Variants in ATF1 observed in about 807,000 individuals in gnomAD.
The protein encoded by ATF1 is cyclic AMP-dependent transcription factor ATF-1.
Under a neutral mutation model 34.7 loss-of-function variants are expected in ATF1, and 16 were observed. That is an observed-to-expected ratio of 0.46 (90% CI 0.31 to 0.70). ATF1 has a LOEUF of 0.70. Among genes scored for constraint, ATF1 ranks in the 30% least tolerant of loss-of-function variants. The pLI is 0.05. For synonymous variants in ATF1, 105 were observed against 113.1 expected (o/e 0.93, Z 0.46); for missense variants, 255 against 321.6 (o/e 0.79, Z 1.58).
chr12:50,771,625 A>G (rs1006962133), intron 1 of ATF1, among the ~76,000 whole-genome samples: 3 of 152,172 alleles, frequency 2.0e-5, no homozygotes, highest in Non-Finnish European at 4.4e-5. Flanking sequence ...CGTATGAACC[A>G]GAGCAACTCC....
At chr12:50,782,485 G>A (rs1273697263) in intron 2 of ATF1, among the ~76,000 whole-genome samples, 1 of 150,706 alleles carries the variant, frequency 6.6e-6, no homozygotes, top group African/African-American at 2.4e-5. Flanking sequence ...TTGATCTCCT[G>A]ACCTCGTGAT....
intron 3 of ATF1, among the ~76,000 whole-genome samples, chr12:50,796,818 A>G (rs1941417255): frequency 6.6e-6 from 1 of 152,192 alleles, no homozygotes; most frequent in Non-Finnish European, 1.5e-5. Flanking sequence ...AGAAGAGAAC[A>G]TAGGCGATAA....
intron 1 of ATF1, among the ~76,000 whole-genome samples, chr12:50,771,712 C>T (rs991223833): frequency 5.9e-5 from 9 of 152,198 alleles, no homozygotes; most frequent in South Asian, 2.1e-4. Context: ...TTCTAAGTCA[C>T]GGGATGAGAT....
At chr12:50,797,631 C>T (rs771915956) in intron 3 of ATF1, among the ~76,000 whole-genome samples, 2 of 152,004 alleles carry the variant, frequency 1.3e-5, no homozygotes, top group Non-Finnish European at 2.9e-5. Context: ...ATGATGCCCA[C>T]CTAATTTTTT....
At chr12:50,799,185 G>C (rs1941467319) in intron 3 of ATF1, among the ~76,000 whole-genome samples, 1 of 152,124 alleles carries the variant, frequency 6.6e-6, no homozygotes, top group Non-Finnish European at 1.5e-5. Flanking sequence ...AGGAATTTAA[G>C]ACCAATCTGT....
intron 2 of ATF1, among the ~76,000 whole-genome samples, chr12:50,786,720 T>TA (rs1332132203): frequency 1.3e-5 from 2 of 152,060 alleles, no homozygotes; most frequent in African/African-American, 4.8e-5. Context: ...CTTAGACTAT[T>TA]AGAGTTTTTC....
At position 50,819,739 on chromosome 12, in the gene ATF1, T is replaced by G. The variant is rs1343332928; in HGVS notation, c.776T>G (p.Leu259Ter). 1 of 1,591,124 alleles carries G rather than the reference T, an allele frequency of 6.3e-7. No individual in the cohort carries two copies. The highest frequency in any genetic ancestry group is 8.6e-7 in the Non-Finnish European group (1 of 1,166,120). ...CAAAATAAAACTCTAATAGAAGAGT[T>G]AAAAACTTTGAAGGATCTTTATTCC... is the stretch of plus-strand genomic sequence containing the variant. ...ENQNKTLIEELKTLKDLYSNK... is the reference protein window; with the variant it reads ...ENQNKTLIEE Residue 259 changes from leucine (L) to a stop codon, truncating the protein, a stop_gained, in exon 7 of 7, where the codon TTA becomes TGA. Coordinates refer to ENST00000262053, the MANE Select transcript of ATF1 (RefSeq NM_005171.5). LOFTEE classifies it high-confidence loss of function.
chr12:50,812,163 T>C (rs538001295), intron 4 of ATF1, among the ~76,000 whole-genome samples: 2 of 152,128 alleles, frequency 1.3e-5, no homozygotes, highest in Non-Finnish European at 2.9e-5. Flanking sequence ...TAAATACACA[T>C]GTTAAGAACA....
At chr12:50,791,696 T>G (rs768952232) in intron 2 of ATF1, among the ~76,000 whole-genome samples, 5 of 152,162 alleles carry the variant, frequency 3.3e-5, no homozygotes, top group Non-Finnish European at 5.9e-5. Flanking sequence ...CCAAGAGTAA[T>G]GGTATGGACC....
chr12:50,776,815 A>G (rs1460868886), intron 1 of ATF1, among the ~76,000 whole-genome samples: 2 of 152,198 alleles, frequency 1.3e-5, no homozygotes, highest in Admixed American at 1.3e-4. Context: ...GTATTGTTTT[A>G]GTAAAAAATA....
At chr12:50,778,147 C>A (rs909091932) in intron 1 of ATF1, among the ~76,000 whole-genome samples, 2 of 151,434 alleles carry the variant, frequency 1.3e-5, no homozygotes, top group East Asian at 3.9e-4. Flanking sequence ...AACTCCTGGG[C>A]TCATGTTATT....
chr12:50,765,590 A>G (rs1940613878), intron 1 of ATF1, among the ~76,000 whole-genome samples: 1 of 152,196 alleles, frequency 6.6e-6, no homozygotes, highest in South Asian at 2.1e-4. Flanking sequence ...CATCTTAAAC[A>G]GGAGCTGGGT....
chr12:50,818,635 A>AGTCT (rs1447417161), intron 6 of ATF1, among the ~76,000 whole-genome samples: 1 of 152,164 alleles, frequency 6.6e-6, no homozygotes, highest in East Asian at 1.9e-4. Context: ...TCTGAGACAG[A>AGTCT]GTCTTGCTCT....
Position 50,780,154 on chromosome 12 carries a change from T to G in ATF1, c.9T>G (p.Asp3Glu). 6.2e-7 allele frequency: 1 copy of G among 1,611,852 alleles called. No homozygotes were observed. The highest frequency in any genetic ancestry group is 1.1e-5 in the South Asian group (1 of 90,880). ...CCCCCTTATAGTTGATTATGGAAGA[T>G]TCCCACAAGAGTACCACGTCAGAGA... MEDSHKSTTSETA... is the reference protein window; with the variant it reads MEESHKSTTSETA... The change falls in exon 2 of 7, where the codon GAT becomes GAG. Residue 3 changes from aspartate to glutamate, a missense_variant. Around this residue, in one of 2 missense-constraint regions of ATF1, gnomAD observed 221 missense variants for 250.7 expected, o/e 0.88. Transcript: ENST00000262053.
chr12:50,812,729 T>TA (rs1416704997), intron 4 of ATF1, among the ~76,000 whole-genome samples: 1 of 151,688 alleles, frequency 6.6e-6, no homozygotes, highest in Non-Finnish European at 1.5e-5. Context: ...GAGGCTGAGG[T>TA]AGGAGGATTG....
At chr12:50,793,250 C>T (rs1300617034) in intron 2 of ATF1, among the ~76,000 whole-genome samples, 3 of 152,068 alleles carry the variant, frequency 2.0e-5, no homozygotes, top group Non-Finnish European at 2.9e-5. Context: ...CTTAGTTTTA[C>T]AATTTATTTT....
intron 1 of ATF1, among the ~76,000 whole-genome samples, chr12:50,778,770 A>G (rs1202451120): frequency 1.3e-5 from 2 of 151,994 alleles, no homozygotes; most frequent in African/African-American, 4.8e-5. Context: ...TTTGTATTTT[A>G]GTAGAAACCA....
Position 50,795,782 on chromosome 12 carries a change from AC to A in ATF1, c.94-126del. 4.1e-6 allele frequency: 3 copies of A among 733,940 alleles called. No individual in the cohort carries two copies. In the South Asian group the frequency reaches 5.3e-5, roughly 13 times the overall value. The allele number at this position is 733,940 out of a possible 1,614,324, so 45.5% of individuals were successfully genotyped here. Reference sequence around the variant, plus strand: ...TTTTCCTTTTGTTCCTTTCTTTTAGACTTTAGATTTAATGTACAAATGAATT... The same window carrying A: ...TTTTCCTTTTGTTCCTTTCTTTTAGATTTAGATTTAATGTACAAATGAATT... On this transcript the variant is annotated intron_variant, in intron 2 of 6. Coordinates refer to ENST00000262053, the MANE Select transcript of ATF1 (RefSeq NM_005171.5).
chr12:50,767,559 T>C (rs1226657523), intron 1 of ATF1, among the ~76,000 whole-genome samples: 3 of 152,142 alleles, frequency 2.0e-5, no homozygotes, highest in Non-Finnish European at 4.4e-5. Context: ...GTAAGCTCGC[T>C]TTTCAAGATG....
Sources: allele counts gnomAD v4.1 joint callset (sites outside exome capture counted in the v4.1 genomes callset), GRCh38; gene constraint gnomAD v4.1.1; regional missense constraint gnomAD v4.1.1; transcripts MANE v1.5; gene names NCBI Gene and HGNC (gene_info 2026-07-23, HGNC 2026-07-21).